OLFML2A: variants seen among roughly 807,000 people sequenced by gnomAD.
The protein encoded by OLFML2A is olfactomedin like 2A.
OLFML2A carries 47 observed loss-of-function variants against 60.9 expected under a neutral mutation model. That is an observed-to-expected ratio of 0.77 (90% CI 0.61 to 0.98). The LOEUF is 0.98. OLFML2A is among the 50% of genes least tolerant of loss of function. The pLI, the probability that OLFML2A is intolerant of heterozygous loss-of-function variation, is 0.00. For synonymous variants in OLFML2A, 372 were observed against 375.0 expected, an observed-to-expected ratio of 0.99 and a Z score of 0.09; for missense variants, 922 against 879.8, an observed-to-expected ratio of 1.05 and a Z score of -0.61.
intron 2 of OLFML2A, among the ~76,000 whole-genome samples, chr9:124,788,023 G>A (rs958029834): frequency 1.1e-4 from 16 of 151,950 alleles, no homozygotes; most frequent in African/African-American, 3.4e-4. Flanking sequence ...ACCTTCGGCC[G>A]GGCATGGTGG....
chr9:124,781,356 T>C (rs949710590), intron 1 of OLFML2A, among the ~76,000 whole-genome samples: 1 of 151,906 alleles, frequency 6.6e-6, no homozygotes, highest in Non-Finnish European at 1.5e-5. Flanking sequence ...AGAGGCTGGG[T>C]CCAGTCTTGG....
rs756535506 is a variant in OLFML2A, at chr9:124,807,890, C to T, written c.1278C>T (p.Asp426=). Residue 426 remains aspartate, a synonymous_variant, in exon 7 of 8, where the codon GAC becomes GAT. Coordinates refer to ENST00000373580, the MANE Select transcript of OLFML2A (RefSeq NM_182487.4). The part of the protein sequence containing the change: ...GAWMKDPAAR[D]DRIYVTNYYY... ...GGATGAAGGACCCTGCAGCTCGAGACGACAGGATCTATGTCACCAACTACT... is the reference window on the plus strand; with the variant it reads ...GGATGAAGGACCCTGCAGCTCGAGATGACAGGATCTATGTCACCAACTACT... 6.8e-6 allele frequency: 11 copies of T among 1,614,002 alleles called. No homozygotes were observed. The highest frequency in any genetic ancestry group is 1.6e-4 in the Middle Eastern group (1 of 6,084).
intron 7 of OLFML2A, among the ~76,000 whole-genome samples, chr9:124,808,305 C>T (rs755036449): frequency 2.6e-4 from 39 of 152,126 alleles, no homozygotes; most frequent in Non-Finnish European, 4.9e-4. Context: ...TGATCTCGCC[C>T]CCCGTGTATC....
chr9:124,786,686 A>C (rs994759065), intron 1 of OLFML2A, among the ~76,000 whole-genome samples: 4 of 149,682 alleles, frequency 2.7e-5, no homozygotes, highest in Admixed American at 1.3e-4. Context: ...GCGCTACTGC[A>C]CTCCAGCCTG....
intron 2 of OLFML2A, among the ~76,000 whole-genome samples, 192 bp from the exon 3 acceptor site, chr9:124,794,832 G>C (rs13286271): frequency 2.0e-5 from 3 of 152,002 alleles, no homozygotes; most frequent in Admixed American, 2.0e-4. Context: ...ATGTTGGCCA[G>C]ACTGGTCTTG....
intron 1 of OLFML2A, among the ~76,000 whole-genome samples, chr9:124,780,470 G>A (rs1478425897): frequency 6.6e-6 from 1 of 152,218 alleles, no homozygotes; most frequent in Non-Finnish European, 1.5e-5. Flanking sequence ...CAGGCAGGCG[G>A]TGGTGTCCGG....
chr9:124,784,940 C>CTTTTTTTT (rs1461676348), intron 1 of OLFML2A, among the ~76,000 whole-genome samples: 40 of 50,014 alleles, frequency 8.0e-4, no homozygotes, highest in African/African-American at 9.8e-4. Flanking sequence ...ATTCCTTTTA[C>CTTTTTTTT]TTGTTTTTTT....
At chr9:124,807,682 A>C in intron 6 of OLFML2A, 99 bp from the exon 7 acceptor site, 31 of 892,498 alleles carry the variant, frequency 3.5e-5, no homozygotes, top group Non-Finnish European at 4.4e-5. Flanking sequence ...AAATTTCAGG[A>C]GAGATTTAAG....
chr9:124,789,970 T>A (rs1841542301), intron 2 of OLFML2A, among the ~76,000 whole-genome samples: 1 of 152,228 alleles, frequency 6.6e-6, no homozygotes, highest in East Asian at 1.9e-4. Context: ...AACTTCTCGA[T>A]AACTGAATAT....
intron 2 of OLFML2A, among the ~76,000 whole-genome samples, chr9:124,793,003 C>T (rs996987088): frequency 2.6e-5 from 4 of 152,232 alleles, no homozygotes; most frequent in South Asian, 2.1e-4. Flanking sequence ...CTCCCGCCCC[C>T]GTCTCTGTTT....
chr9:124,787,623 G>C (rs1380476237), intron 2 of OLFML2A, among the ~76,000 whole-genome samples: 1 of 151,278 alleles, frequency 6.6e-6, no homozygotes. Context: ...GCAGTGGCAC[G>C]ATCTCGGCTT....
intron 2 of OLFML2A, among the ~76,000 whole-genome samples, chr9:124,792,762 A>T (rs997501914): frequency 1.3e-5 from 2 of 152,198 alleles, no homozygotes; most frequent in Non-Finnish European, 2.9e-5. Context: ...GGCTTCATGA[A>T]GCCCTCTCTG....
At chr9:124,787,265 G>GT in intron 2 of OLFML2A, 27 bp downstream of exon 2, 1 of 1,604,538 alleles carries the variant, frequency 6.2e-7, no homozygotes. Flanking sequence ...GATGGAGGGA[G>GT]TAAGGGCCTA....
rs769476951 is a variant in OLFML2A at position 124,810,393 on chromosome 9, C to G, written c.1940C>G (p.Thr647Ser). 1 of 1,597,718 alleles carries G rather than the reference C, an allele frequency of 6.3e-7. No homozygotes were observed. The highest frequency in any genetic ancestry group is 2.2e-5 in the East Asian group (1 of 44,800). The change falls in exon 8 of 8, where the codon ACC (threonine) becomes AGC (serine). Residue 647 changes from threonine (T) to serine (S), a missense_variant. By Grantham distance (58) the Thr-to-Ser change is moderately conservative (BLOSUM62 1). Coordinates refer to ENST00000373580, the MANE Select transcript of OLFML2A (RefSeq NM_182487.4). ...AWDNGHQLTY[T>S]LHFVV ...GACAATGGCCACCAGCTCACCTACA[C>G]CCTCCACTTCGTGGTCTGAGTGGAG...
intron 2 of OLFML2A, among the ~76,000 whole-genome samples, chr9:124,789,037 A>G (rs1243428374): frequency 6.6e-6 from 1 of 152,040 alleles, no homozygotes. Flanking sequence ...GGCTCAAGCA[A>G]TCCTCCCACC....
Position 124,777,538 on chromosome 9 carries a change from G to T in OLFML2A, c.90+178G>T, listed in dbSNP as rs1020256660. ...CAGGGGCAGGGGCCCCGAGAGAGGG[G>T]CGCGTGGAGGAACAAGCGCTGGAGA... On this transcript the variant is annotated intron_variant, in intron 1 of 7. Coordinates refer to ENST00000373580, the MANE Select transcript of OLFML2A (RefSeq NM_182487.4). This position sits in a 1 kb window ranked among gnomAD's most constrained non-coding sequence, Gnocchi z 6.2. Among the ~76,000 whole-genome samples the T allele has an allele frequency of 6.6e-6, 1 of 152,160 alleles. No individual in the cohort carries two copies. Among genetic ancestry groups the T allele is most frequent in the Non-Finnish European group, 1.5e-5 (1 of 68,012 alleles).
chr9:124,780,199 C>T (rs1234034437), intron 1 of OLFML2A, among the ~76,000 whole-genome samples: 1 of 152,224 alleles, frequency 6.6e-6, no homozygotes, highest in African/African-American at 2.4e-5. Flanking sequence ...TTGGAATGGA[C>T]AGGTAACCAC....
Position 124,807,802 on chromosome 9 carries a change from G to T in OLFML2A, c.1190G>T (p.Gly397Val). 1 of 1,612,404 alleles carries T rather than the reference G, an allele frequency of 6.2e-7. No individual in the cohort carries two copies. Among genetic ancestry groups the T allele is most frequent in the Non-Finnish European group, 8.5e-7 (1 of 1,179,470 alleles). The change falls in exon 7 of 8, where the codon GGC becomes GTC. Residue 397 changes from glycine (G) to valine (V), a missense_variant. By Grantham distance (109) the Gly-to-Val change is moderately radical. Transcript: ENST00000373580. ...ACAGGCAGAGAGGCGAGCTGTGAGGGCACCCTCCGGGCTGTGGACCCCCCT... is the reference window on the plus strand; with the variant it reads ...ACAGGCAGAGAGGCGAGCTGTGAGGTCACCCTCCGGGCTGTGGACCCCCCT... ...SSQGREASCE[G>V]TLRAVDPPVR...
intron 1 of OLFML2A, among the ~76,000 whole-genome samples, chr9:124,785,324 G>C (rs1841445725): frequency 6.6e-6 from 1 of 151,130 alleles, no homozygotes; most frequent in African/African-American, 2.4e-5. Flanking sequence ...CTACCTTGTG[G>C]CTACTGTGAA....
Sources: allele counts gnomAD v4.1 joint callset (sites outside exome capture counted in the v4.1 genomes callset), GRCh38; gene constraint gnomAD v4.1.1; non-coding constraint Gnocchi (gnomAD v3.1); transcripts MANE v1.5; gene names NCBI Gene and HGNC (gene_info 2026-07-23, HGNC 2026-07-21).